The following USH2A variants were observed in gnomAD, a reference collection of about 807,000 sequenced individuals.
The protein encoded by USH2A is Usher syndrome 2A (autosomal recessive, mild).
In USH2A, 443 loss-of-function variants were observed where a neutral mutation model predicts 538.9. The observed-to-expected ratio is 0.82, with a 90% CI of 0.76 to 0.89. The LOEUF (loss-of-function observed/expected upper bound fraction) is 0.89, where lower values mean the gene tolerates loss of function less well. USH2A is among the 40% of genes least tolerant of loss of function. The probability of loss-of-function intolerance (pLI) is 0.00; values close to 1 mark genes in which losing one functional copy is unlikely to be tolerated. For missense variants in USH2A, 6,633 were observed against 6,324.8 expected (o/e 1.05, Z -1.65); for synonymous variants, 2,413 against 2,273.5 (o/e 1.06, Z -1.75).
chr1:215,754,487 G>A (rs1169186723), intron 58 of USH2A, among the ~76,000 whole-genome samples: 1 of 151,362 alleles, frequency 6.6e-6, no homozygotes, highest in African/African-American at 2.4e-5. Context: ...CCTGTCTAAG[G>A]TTACTCTGTT....
At chr1:215,723,372 T>A (rs903541002) in intron 61 of USH2A, among the ~76,000 whole-genome samples, 7 of 152,136 alleles carry the variant, frequency 4.6e-5, no homozygotes, top group Non-Finnish European at 1.0e-4. Flanking sequence ...CAGTTCTCCA[T>A]CCACTGCCAC....
chr1:215,688,131 T>C (rs1658494093), intron 61 of USH2A, among the ~76,000 whole-genome samples: 1 of 152,068 alleles, frequency 6.6e-6, no homozygotes, highest in Middle Eastern at 3.2e-3. Flanking sequence ...TTGAAGAAGT[T>C]ACATTTAGGC....
At chr1:215,659,246 G>A (rs148358998) in intron 64 of USH2A, among the ~76,000 whole-genome samples, 1 of 152,308 alleles carries the variant, frequency 6.6e-6, no homozygotes, top group African/African-American at 2.4e-5. Flanking sequence ...GAAACAATTG[G>A]CAGAAAGTAC....
At chr1:216,325,681 A>C in intron 5 of USH2A, 82 bp from the exon 6 acceptor site, 18 of 1,344,212 alleles carry the variant, frequency 1.3e-5, no homozygotes, top group Non-Finnish European at 1.6e-5. Flanking sequence ...AATGAATGTC[A>C]CTCGTTTAGT....
intron 52 of USH2A, 67 bp from the exon 53 acceptor site, chr1:215,783,002 T>C (rs1328987507): frequency 6.8e-7 from 1 of 1,469,422 alleles, no homozygotes; most frequent in Non-Finnish European, 9.2e-7. Flanking sequence ...ATATTAAAAG[T>C]GAATATCAAA....
chr1:215,754,600 G>T (rs748359434), intron 58 of USH2A, among the ~76,000 whole-genome samples: 5 of 151,806 alleles, frequency 3.3e-5, no homozygotes, highest in Admixed American at 6.6e-5. Context: ...GGCTTCCCTG[G>T]GCCACAATGA....
intron 55 of USH2A, among the ~76,000 whole-genome samples, chr1:215,773,870 C>A (rs2102755295): frequency 6.6e-6 from 1 of 152,184 alleles, no homozygotes; most frequent in South Asian, 2.1e-4. Context: ...TCCAGATGTT[C>A]AAAACTGGTA....
At chr1:216,019,863 T>C (rs994490413) in intron 32 of USH2A, among the ~76,000 whole-genome samples, 11 of 152,212 alleles carry the variant, frequency 7.2e-5, no homozygotes, top group African/African-American at 2.4e-4. Flanking sequence ...TGTAAATAAA[T>C]ATCCTATTAG....
chr1:216,386,880 T>C (rs746074601), intron 3 of USH2A, among the ~76,000 whole-genome samples: 2 of 152,022 alleles, frequency 1.3e-5, no homozygotes, highest in African/African-American at 4.8e-5. Flanking sequence ...ATAATAATAG[T>C]AATTTCTGAC....
At chr1:215,717,762 A>G (rs1367439877) in intron 61 of USH2A, among the ~76,000 whole-genome samples, 1 of 152,178 alleles carries the variant, frequency 6.6e-6, no homozygotes, top group Admixed American at 6.5e-5. Flanking sequence ...TGCAATTTTC[A>G]TATATTCATG....
Position 216,207,430 on chromosome 1 carries a change from A to T in USH2A, c.3159T>A (p.Thr1053=), listed in dbSNP as rs1330969760. The T allele has an allele frequency of 6.2e-7, 1 of 1,613,996 alleles. No individual in the cohort carries two copies. The highest frequency in any genetic ancestry group is 1.7e-5 in the Admixed American group (1 of 60,022). The change falls in exon 16 of 72, where the codon ACT becomes ACA. Residue 1053 remains threonine, a splice_region_variant and synonymous_variant. Transcript: ENST00000307340. ...CTCTGGGCGGAGGTTGCTGGAATGG[A>T]GCTAAATTACAATGAAGAGAGCATT... ...DVNNLLGCSK[T]PFQQPPPRGQ...
intron 32 of USH2A, among the ~76,000 whole-genome samples, chr1:216,034,817 A>G (rs186881971): frequency 6.6e-6 from 1 of 152,148 alleles, no homozygotes; most frequent in South Asian, 2.1e-4. Flanking sequence ...TGATACCTTC[A>G]TTTCAAACTT....
chr1:216,241,033 C>T (rs960491639), intron 13 of USH2A, among the ~76,000 whole-genome samples: 1 of 152,120 alleles, frequency 6.6e-6, no homozygotes, highest in South Asian at 2.1e-4. Context: ...CTAAGGAAGA[C>T]AAATTTTTTG....
chr1:215,890,261 G>T (rs573179691), intron 40 of USH2A, among the ~76,000 whole-genome samples: 3 of 152,200 alleles, frequency 2.0e-5, no homozygotes, highest in African/African-American at 4.8e-5. Context: ...CTTTAAAAAA[G>T]ATATACTTGG....
chr1:216,386,358 G>C (rs1174984266), intron 3 of USH2A, among the ~76,000 whole-genome samples: 1 of 150,848 alleles, frequency 6.6e-6, no homozygotes, highest in Non-Finnish European at 1.5e-5. Context: ...TTTGCTGGTC[G>C]TGGTGGCGGG....
At chr1:215,641,169 T>C (rs906117951) in intron 67 of USH2A, among the ~76,000 whole-genome samples, 4 of 152,220 alleles carry the variant, frequency 2.6e-5, no homozygotes, top group African/African-American at 9.6e-5. Context: ...TCAATATTTA[T>C]TGCCACAAAG....
At chr1:216,031,238 A>G (rs1669114480) in intron 32 of USH2A, among the ~76,000 whole-genome samples, 1 of 152,084 alleles carries the variant, frequency 6.6e-6, no homozygotes, top group African/African-American at 2.4e-5. Context: ...ATGTGCTTTT[A>G]TAATGATGTC....
intron 47 of USH2A, among the ~76,000 whole-genome samples, chr1:215,823,199 T>C (rs1200682952): frequency 6.6e-6 from 1 of 152,124 alleles, no homozygotes; most frequent in East Asian, 1.9e-4. Context: ...TGAAGAACTC[T>C]CTTTAGTATT....
chr1:216,261,729 T>C (rs1227812870), intron 11 of USH2A, among the ~76,000 whole-genome samples: 2 of 152,094 alleles, frequency 1.3e-5, no homozygotes, highest in African/African-American at 2.4e-5. Context: ...TCACTCCTGG[T>C]GAACCAGTTC....
Sources: gnomAD v4.1 joint callset for allele counts (sites outside exome capture counted in the v4.1 genomes callset) on GRCh38, gnomAD v4.1.1 for gene constraint, MANE v1.5 for transcripts, NCBI Gene and HGNC (gene_info 2026-07-23, HGNC 2026-07-21) for gene names.